The following NPTX1 variants were observed in gnomAD, a reference collection of about 807,000 sequenced individuals.
NPTX1 encodes neuronal pentraxin-1.
NPTX1 carries 12 observed loss-of-function variants against 38.7 expected under a neutral mutation model. That is an observed-to-expected ratio of 0.31 (90% confidence interval 0.20 to 0.50). The LOEUF (loss-of-function observed/expected upper bound fraction) is 0.50, where lower values mean the gene tolerates loss of function less well. Among genes scored for constraint, NPTX1 ranks in the 20% least tolerant of loss-of-function variants. NPTX1 has a pLI of 0.98. For missense variants in NPTX1, 454 were observed against 592.2 expected (o/e 0.77, Z 2.42); for synonymous variants, 272 against 264.9 (o/e 1.03, Z -0.26).
intron 2 of NPTX1, 92 bp from the exon 3 acceptor site, chr17:80,473,536 T>C: frequency 7.6e-7 from 1 of 1,324,206 alleles, no homozygotes; most frequent in Non-Finnish European, 1.1e-6. Flanking sequence ...CTGTGATGCG[T>C]GGCCAGGGCA....
rs2083870337 is a variant in NPTX1, at chr17:80,475,027, C to CG, written c.652+483dup. On this transcript the variant is annotated intron_variant, in intron 2 of 4. Coordinates refer to ENST00000306773, the MANE Select transcript of NPTX1 (RefSeq NM_002522.4). This position sits in a 1 kb window ranked among gnomAD's most constrained non-coding sequence, Gnocchi z 6.5. ...GGAGCTGGAGATCCTGAGAGGACAC[C>CG]GGGGGCATGGCAGCCGGGAAGAAAC... 6.6e-6 allele frequency among the ~76,000 whole-genome samples: 1 copy of CG among 152,120 alleles called. No homozygotes were observed. The highest frequency in any genetic ancestry group is 2.4e-5 in the African/African-American group (1 of 41,406).
At position 80,471,087 on chromosome 17, in the gene NPTX1, G is replaced by A. The variant is rs74000588; in HGVS notation, c.1078-53C>T. ...GGAGGGGTCGCCAGGTGGTCTGGGG[G>A]CCCATCCCTAGGCCGGGGATCTGAG... On this transcript the variant is annotated intron_variant, in intron 4 of 4. Coordinates refer to ENST00000306773, the MANE Select transcript of NPTX1 (RefSeq NM_002522.4). 2.4e-3 allele frequency: 3,374 copies of A among 1,408,604 alleles called. 57 individuals carry two copies. In the African/African-American group the frequency reaches 0.039, roughly 16 times the overall value. The allele number at this position is 1,408,604 out of a possible 1,614,324, so 87.3% of individuals were successfully genotyped here. A position where few individuals can be genotyped will look rare whatever the true frequency, so the allele number is the denominator to read the frequency against.
Position 80,476,301 on chromosome 17 carries a change from C to G in NPTX1, c.146G>C (p.Gly49Ala). 1.3e-6 allele frequency: 2 copies of G among 1,557,024 alleles called. No homozygotes were observed. Among genetic ancestry groups the G allele is most frequent in the Non-Finnish European group, 1.7e-6 (2 of 1,158,712 alleles). ...GCTGCTCCGGAGCTCCTCGGCGCCG[C>G]CGGCGGCCACGGACGCGGCGCACAT... Reference protein sequence around the residue: ...ADMCAASVAAGGAEELRSSVL... With the variant: ...ADMCAASVAAAGAEELRSSVL... The change falls in exon 1 of 5, where the codon GGC (glycine) becomes GCC (alanine). Residue 49 changes from glycine to alanine, a missense_variant. Transcript: ENST00000306773. This position sits in a 1 kb window ranked among gnomAD's most constrained non-coding sequence, Gnocchi z 6.3.
At chr17:80,473,775 T>G (rs1599507230) in intron 2 of NPTX1, 1 of 333,630 alleles carries the variant, frequency 3.0e-6, no homozygotes, top group Non-Finnish European at 5.6e-6. Flanking sequence ...GAGAAGGGAA[T>G]GGGGACAGCC....
At chr17:80,473,858 C>G (rs1254801956) in intron 2 of NPTX1, 2 of 207,544 alleles carry the variant, frequency 9.6e-6, no homozygotes, top group Non-Finnish European at 2.0e-5. Context: ...TGAGAGTAAC[C>G]GACCTGATTC....
Position 80,475,489 on chromosome 17 carries a change from C to T in NPTX1, c.652+22G>A, listed in dbSNP as rs1401169592. 1.9e-6 allele frequency: 3 copies of T among 1,574,340 alleles called. No individual in the cohort carries two copies. Among genetic ancestry groups the T allele is most frequent in the South Asian group, 1.2e-5 (1 of 86,768 alleles). Reference sequence around the variant, plus strand: ...GGCAAGCAGGTGCAGGCAGGCAGCACGGCTCCCCCTGGCCCCAGTACCTTT... The same window carrying T: ...GGCAAGCAGGTGCAGGCAGGCAGCATGGCTCCCCCTGGCCCCAGTACCTTT... On this transcript the variant is annotated intron_variant, in intron 2 of 4. Transcript: ENST00000306773. This position sits in a 1 kb window ranked among gnomAD's most constrained non-coding sequence, Gnocchi z 6.5.
rs748964841 is a variant in NPTX1, at chr17:80,476,406, G to A, written c.41C>T (p.Ala14Val). 3.5e-5 allele frequency: 52 copies of A among 1,505,898 alleles called. 1 individual carries two copies. In the African/African-American group the frequency reaches 5.4e-4, roughly 16 times the overall value. 93.3% of individuals were successfully genotyped at this position (1,505,898 alleles called of 1,614,324 possible). A position where few individuals can be genotyped will look rare whatever the true frequency, so the allele number is the denominator to read the frequency against. Residue 14 changes from alanine to valine, a missense_variant, in exon 1 of 5, where the codon GCC (alanine) becomes GTC (valine). This residue lies in a region of NPTX1 where 288 missense variants were observed against 318.4 expected (regional missense o/e 0.90). Coordinates refer to ENST00000306773, the MANE Select transcript of NPTX1 (RefSeq NM_002522.4). This position sits in a 1 kb window ranked among gnomAD's most constrained non-coding sequence, Gnocchi z 6.3. ...GRAARTCALL[A>V]LCLLGAGAQD... is the part of the protein sequence containing the mutation. ...GGCCCCGGCGCCCAGGAGGCAGAGG[G>A]CGAGCAGCGCACAGGTGCGCGCGGC...
In NPTX1 at chr17:80,475,691, G is replaced by A. The variant is rs1490060475; in HGVS notation, c.472C>T (p.Gln158Ter). The A allele has an allele frequency of 6.2e-7, 1 of 1,612,472 alleles. No individual in the cohort carries two copies. Among genetic ancestry groups the A allele is most frequent in the Non-Finnish European group, 8.5e-7 (1 of 1,179,710 alleles). ...EQYSRLNSSS[Q>*]TNSLKDLLQS... is the part of the protein sequence containing the mutation. ...AGCAGATCCTTGAGGCTGTTGGTCT[G>A]GCTGGAGGAATTGAGGCGGCTGTAC... The change falls in exon 2 of 5, where the codon CAG (glutamine) becomes TAG (stop). Residue 158 changes from glutamine (Q) to a stop codon, truncating the protein, a stop_gained. Coordinates refer to ENST00000306773, the MANE Select transcript of NPTX1 (RefSeq NM_002522.4). LOFTEE classifies it high-confidence loss of function. The surrounding 1 kb of genome is among the most constrained non-coding windows in gnomAD (Gnocchi z 6.5).
In NPTX1 at chr17:80,476,126, G is replaced by A. The variant is rs764723437; in HGVS notation, c.321C>T (p.Gly107=). The A allele has an allele frequency of 3.1e-6, 5 of 1,598,458 alleles. No individual in the cohort carries two copies. In the South Asian group the frequency reaches 5.5e-5, roughly 18 times the overall value. The change falls in exon 1 of 5, where the codon GGC becomes GGT. Residue 107 remains glycine (G), a synonymous_variant. Transcript: ENST00000306773. This position sits in a 1 kb window ranked among gnomAD's most constrained non-coding sequence, Gnocchi z 6.3. ...PGAGEARAGG[G]RKQPGSGKNT... The stretch of plus-strand genomic sequence containing the variant: ...TCTTGCCCGAGCCGGGCTGCTTGCG[G>A]CCGCCGCCCGCCCGGGCCTCGCCGG...
Position 80,476,390 on chromosome 17 carries a change from G to T in NPTX1, c.57C>A (p.Gly19=), listed in dbSNP as rs2083883097. 6.6e-7 allele frequency: 1 copy of T among 1,514,838 alleles called. No individual in the cohort carries two copies. The highest frequency in any genetic ancestry group is 8.8e-7 in the Non-Finnish European group (1 of 1,139,022). The allele number at this position is 1,514,838 out of a possible 1,614,324, so 93.8% of individuals were successfully genotyped here. The change falls in exon 1 of 5, where the codon GGC becomes GGA. Residue 19 remains glycine, a synonymous_variant. Coordinates refer to ENST00000306773, the MANE Select transcript of NPTX1 (RefSeq NM_002522.4). The surrounding 1 kb of genome is among the most constrained non-coding windows in gnomAD (Gnocchi z 6.3). ...TCALLALCLL[G]AGAQDFGPTR... ...TCGGCCCGAAATCCTGGGCCCCGGC[G>T]CCCAGGAGGCAGAGGGCGAGCAGCG...
At chr17:80,471,110 G>C (rs2083839563) in intron 4 of NPTX1, 76 bp from the exon 5 acceptor site, 1 of 1,171,452 alleles carries the variant, frequency 8.5e-7, no homozygotes, top group Non-Finnish European at 1.2e-6. Flanking sequence ...CCGGGGATCT[G>C]AGTGCCTCTG....
chr17:80,473,185 CG>C lies in NPTX1; in HGVS notation c.897+14del. ...GCCTCGCCCTGCCGCCCTGTGAGCCCGGGGGCTGCTCTACCTTGTCATTGAT... is the reference window on the plus strand; with the variant it reads ...GCCTCGCCCTGCCGCCCTGTGAGCCCGGGGCTGCTCTACCTTGTCATTGAT... On this transcript the variant is annotated intron_variant, in intron 3 of 4. Transcript: ENST00000306773. The C allele has an allele frequency of 1.9e-6, 3 of 1,609,748 alleles. No individual in the cohort carries two copies. Among genetic ancestry groups the C allele is most frequent in the Non-Finnish European group, 8.5e-7 (1 of 1,178,872 alleles).
At position 80,470,389 on chromosome 17, in the gene NPTX1, G is replaced by C. The variant is rs2083833781; in HGVS notation, c.*424C>G. 1 of 155,626 alleles carries C rather than the reference G, an allele frequency of 6.4e-6. No individual in the cohort carries two copies. The highest frequency in any genetic ancestry group is 6.4e-5 in the Admixed American group (1 of 15,534). 9.6% of individuals were successfully genotyped at this position (155,626 alleles called of 1,614,324 possible). On this transcript the variant is annotated 3_prime_UTR_variant, in exon 5 of 5. Transcript: ENST00000306773. ...CGCAGCTAACAAAGTTGGCAAATATGAATTTTCATCATGAGATTTTTCCAA... is the reference window on the plus strand; with the variant it reads ...CGCAGCTAACAAAGTTGGCAAATATCAATTTTCATCATGAGATTTTTCCAA...
At position 80,468,235 on chromosome 17, in the gene NPTX1, G is replaced by A. The variant is rs2083816951; in HGVS notation, c.*2578C>T. The A allele has an allele frequency of 6.5e-6, 1 of 152,868 alleles. No homozygotes were observed. The highest frequency in any genetic ancestry group is 2.1e-4 in the South Asian group (1 of 4,826). The allele number at this position is 152,868 out of a possible 1,614,324, so 9.5% of individuals were successfully genotyped here. On this transcript the variant is annotated 3_prime_UTR_variant, in exon 5 of 5. Coordinates refer to ENST00000306773, the MANE Select transcript of NPTX1 (RefSeq NM_002522.4). Reference sequence around the variant, plus strand: ...TCAGACCCTAGCAAGGGGCAGGAGGGAGCTAAAGGTCAGCTTCGGCCCTGG... The same window carrying A: ...TCAGACCCTAGCAAGGGGCAGGAGGAAGCTAAAGGTCAGCTTCGGCCCTGG...
At chr17:80,474,302 G>C (rs1240016835) in intron 2 of NPTX1, 1 of 152,200 alleles carries the variant, frequency 6.6e-6, no homozygotes. Flanking sequence ...GTGGCACCCT[G>C]GGTATGGTGT....
chr17:80,471,333 G>A (rs1384654160), intron 4 of NPTX1, among the ~76,000 whole-genome samples: 1 of 152,192 alleles, frequency 6.6e-6, no homozygotes, highest in Admixed American at 6.5e-5. Flanking sequence ...CAGCAGCTGG[G>A]CCTGGGGCCC....
At position 80,475,904 on chromosome 17, in the gene NPTX1, C is replaced by T. The variant is rs1258261915; in HGVS notation, c.444+99G>A. The T allele has an allele frequency of 9.5e-7, 1 of 1,056,580 alleles. No individual in the cohort carries two copies. Among genetic ancestry groups the T allele is most frequent in the Non-Finnish European group, 1.3e-6 (1 of 768,828 alleles). The allele number at this position is 1,056,580 out of a possible 1,614,324, so 65.5% of individuals were successfully genotyped here. On this transcript the variant is annotated intron_variant, in intron 1 of 4. Transcript: ENST00000306773. The surrounding 1 kb of genome is among the most constrained non-coding windows in gnomAD (Gnocchi z 6.5). ...CGGCCGGGCACCCGCGCGGCTGAGG[C>T]GAGGGCGGGGGATGCCTGGCCGGGT...
rs1045699670 is a variant in NPTX1, at chr17:80,467,064, A to G, written c.*3749T>C. ...AGCAAATAATGAAAAAGTGAGATAC[A>G]TCGATTCTCTTTCATATTATACAGT... On this transcript the variant is annotated 3_prime_UTR_variant, in exon 5 of 5. Coordinates refer to ENST00000306773, the MANE Select transcript of NPTX1 (RefSeq NM_002522.4). The G allele has an allele frequency of 6.6e-6, 1 of 151,116 alleles. No homozygotes were observed. 9.4% of individuals were successfully genotyped at this position (151,116 alleles called of 1,614,324 possible).
At position 80,476,483 on chromosome 17, in the gene NPTX1, T is replaced by G. The variant is rs1441348958; in HGVS notation, c.-37A>C. On this transcript the variant is annotated 5_prime_UTR_variant, in exon 1 of 5. Coordinates refer to ENST00000306773, the MANE Select transcript of NPTX1 (RefSeq NM_002522.4). This position sits in a 1 kb window ranked among gnomAD's most constrained non-coding sequence, Gnocchi z 6.3. ...CCGGGCGCTCCGGGCCCGGCTCGGC[T>G]CGGCTGGGGCTCGGCTCCGGCTGGG... 5 of 1,144,936 alleles carry G rather than the reference T, an allele frequency of 4.4e-6. No homozygotes were observed. In the African/African-American group the frequency reaches 8.2e-5, roughly 19 times the overall value. 70.9% of individuals were successfully genotyped at this position (1,144,936 alleles called of 1,614,324 possible).
Sources: allele counts gnomAD v4.1 joint callset (sites outside exome capture counted in the v4.1 genomes callset), GRCh38; gene constraint gnomAD v4.1.1; regional missense constraint gnomAD v4.1.1; non-coding constraint Gnocchi (gnomAD v3.1); transcripts MANE v1.5; gene names NCBI Gene and HGNC (gene_info 2026-07-23, HGNC 2026-07-21).